MAP4K5: variants seen among roughly 807,000 people sequenced by gnomAD.
MAP4K5 encodes MAPK/ERK kinase kinase kinase 5.
In MAP4K5, 82 loss-of-function variants were observed where a neutral mutation model predicts 135.6. The observed-to-expected ratio is 0.60, with a 90% CI of 0.51 to 0.73. The LOEUF is 0.73. MAP4K5 is among the 30% of genes least tolerant of loss of function. The pLI, the probability that MAP4K5 is intolerant of heterozygous loss-of-function variation, is 0.00. For missense variants in MAP4K5, 907 were observed against 1,010.9 expected (o/e 0.90, Z 1.39); for synonymous variants, 347 against 335.0 (o/e 1.04, Z -0.39).
At chr14:50,477,918 G>A (rs1269686686) in intron 6 of MAP4K5, among the ~76,000 whole-genome samples, 1 of 151,964 alleles carries the variant, frequency 6.6e-6, no homozygotes, top group African/African-American at 2.4e-5. Flanking sequence ...CTGTAGTTTT[G>A]TTCTCTTGTA....
intron 2 of MAP4K5, among the ~76,000 whole-genome samples, chr14:50,529,061 T>C (rs2038328430): frequency 6.6e-6 from 1 of 152,096 alleles, no homozygotes; most frequent in African/African-American, 2.4e-5. Flanking sequence ...AAATTTGTAA[T>C]AAAAATACAC....
At position 50,531,976 on chromosome 14, in the gene MAP4K5, C is replaced by G; in HGVS notation, c.74G>C (p.Arg25Thr). The G allele has an allele frequency of 6.2e-7, 1 of 1,604,782 alleles. No individual in the cohort carries two copies. Among genetic ancestry groups the G allele is most frequent in the Middle Eastern group, 1.7e-4 (1 of 6,052 alleles). ...NPQQDYELVQ[R>T]VGSGTYGDVY... ...GTCCCCGTAGGTGCCGCTGCCGACC[C>G]TCTGGACGAGTTCGTAGTCCTGCTG... Residue 25 changes from arginine to threonine, a missense_variant, in exon 2 of 33, where the codon AGG becomes ACG. This residue lies in a region of MAP4K5 where 196 missense variants were observed against 189.3 expected (regional missense o/e 1.04). Transcript: ENST00000682126.
intron 2 of MAP4K5, among the ~76,000 whole-genome samples, chr14:50,513,274 C>T (rs1838118570): frequency 6.6e-6 from 1 of 152,112 alleles, no homozygotes; most frequent in South Asian, 2.1e-4. Context: ...AGTATTTCAA[C>T]TCAAGCCCTC....
intron 2 of MAP4K5, among the ~76,000 whole-genome samples, chr14:50,529,191 T>G (rs2038331898): frequency 6.6e-6 from 1 of 151,778 alleles, no homozygotes; most frequent in South Asian, 2.1e-4. Context: ...GAGACCAGAC[T>G]GGGAAACATG....
chr14:50,470,778 C>T (rs1024873286), intron 9 of MAP4K5, among the ~76,000 whole-genome samples: 40 of 151,946 alleles, frequency 2.6e-4, no homozygotes, highest in African/African-American at 9.2e-4. Flanking sequence ...GCATATTATT[C>T]CACTGAATTG....
chr14:50,510,859 T>C (rs2037916828), intron 2 of MAP4K5, among the ~76,000 whole-genome samples: 1 of 152,148 alleles, frequency 6.6e-6, no homozygotes, highest in Non-Finnish European at 1.5e-5. Context: ...TAAGAACACA[T>C]ATGGACAGAA....
intron 23 of MAP4K5, among the ~76,000 whole-genome samples, chr14:50,438,689 T>C (rs1433502669): frequency 6.6e-6 from 1 of 152,090 alleles, no homozygotes; most frequent in Non-Finnish European, 1.5e-5. Flanking sequence ...AAAACATACA[T>C]ATATACACAC....
chr14:50,464,119 T>C lies in MAP4K5; in HGVS notation c.752A>G (p.His251Arg). ...KDKTKWSSTF[H>R]NFVKIALTKN... ...GGTTAGTGCTATTTTGACAAAATTA[T>C]GGAATGTTGATGACCTTAAAATAAA... The change falls in exon 12 of 33, where the codon CAT (histidine) becomes CGT (arginine). Residue 251 changes from histidine (H) to arginine (R), a missense_variant. Physicochemically the swap from His to Arg is conservative, Grantham distance 29. This residue lies in a region of MAP4K5 where 690 missense variants were observed against 777.4 expected (regional missense o/e 0.89). Coordinates refer to ENST00000682126, the MANE Select transcript of MAP4K5 (RefSeq NM_006575.6). 1 of 1,523,164 alleles carries C rather than the reference T, an allele frequency of 6.6e-7. No homozygotes were observed. Among genetic ancestry groups the C allele is most frequent in the Non-Finnish European group, 8.9e-7 (1 of 1,121,378 alleles). The allele number at this position is 1,523,164 out of a possible 1,614,324, so 94.4% of individuals were successfully genotyped here.
At chr14:50,504,982 C>A in intron 2 of MAP4K5, 125 bp from the exon 3 acceptor site, 1 of 556,426 alleles carries the variant, frequency 1.8e-6, no homozygotes, top group South Asian at 2.9e-5. Context: ...CAAAATATTT[C>A]CAATAAAATG....
chr14:50,525,672 C>T (rs185302604), intron 2 of MAP4K5, among the ~76,000 whole-genome samples: 13 of 152,000 alleles, frequency 8.6e-5, no homozygotes, highest in Admixed American at 8.5e-4. Context: ...CCCACCTTTA[C>T]AAAAAAATAA....
In MAP4K5 at chr14:50,429,392, T is replaced by G. The variant is rs1595422213; in HGVS notation, c.2165-132A>C. 8.6e-6 allele frequency: 5 copies of G among 581,732 alleles called. No individual in the cohort carries two copies. The South Asian group carries it at 1.1e-4, about 12-fold the overall frequency. 36.0% of individuals were successfully genotyped at this position (581,732 alleles called of 1,614,324 possible). ...TTAACACAGAATTTATATTTTGTGA[T>G]GTTATCTTTCAAAAAATGCATGTAA... On this transcript the variant is annotated intron_variant, in intron 28 of 32. Transcript: ENST00000682126.
intron 2 of MAP4K5, among the ~76,000 whole-genome samples, chr14:50,508,343 C>T (rs986936753): frequency 5.3e-5 from 8 of 151,836 alleles, no homozygotes; most frequent in African/African-American, 1.7e-4. Flanking sequence ...ATAGACTGGA[C>T]TAAGAAAATG....
chr14:50,422,335 A>G (rs1275688164), intron 32 of MAP4K5, among the ~76,000 whole-genome samples: 2 of 152,120 alleles, frequency 1.3e-5, no homozygotes, highest in East Asian at 3.9e-4. Context: ...CTGTTCTCCT[A>G]TAAAACTCTC....
chr14:50,486,739 T>A lies in MAP4K5; in HGVS notation c.167-545A>T, dbSNP rs1386915765. The stretch of plus-strand genomic sequence containing the variant: ...TGAGGTCAGGAGTTCAAGACCAGCC[T>A]GGCCAACATGGTGAGACCCCGTTTC... On this transcript the variant is annotated intron_variant, in intron 3 of 32. Coordinates refer to ENST00000682126, the MANE Select transcript of MAP4K5 (RefSeq NM_006575.6). Among the ~76,000 whole-genome samples, 9 of 152,274 alleles carry A rather than the reference T, an allele frequency of 5.9e-5. No individual in the cohort carries two copies. The South Asian group carries it at 1.9e-3, about 32-fold the overall frequency.
rs201405830 is a variant in MAP4K5 at position 50,449,937 on chromosome 14, TTTG to T, written c.1016-1108_1016-1106del. The T allele has an allele frequency of 5.3e-4, 79 of 147,716 alleles. 1 individual carries two copies. The highest frequency in any genetic ancestry group is 1.5e-3 in the Admixed American group (23 of 15,006). 9.2% of individuals were successfully genotyped at this position (147,716 alleles called of 1,614,324 possible). A position where few individuals can be genotyped will look rare whatever the true frequency, so the allele number is the denominator to read the frequency against. On this transcript the variant is annotated intron_variant, in intron 14 of 32. Coordinates refer to ENST00000682126, the MANE Select transcript of MAP4K5 (RefSeq NM_006575.6). The stretch of plus-strand genomic sequence containing the variant: ...AAATGTGAAAATAATATATTACTTT[TTTG>T]TTGTTGTTGTTGTTGTTGAGATGGA...
chr14:50,554,582 A>G (rs2038742597), intron 1 of MAP4K5, among the ~76,000 whole-genome samples: 1 of 152,240 alleles, frequency 6.6e-6, no homozygotes, highest in African/African-American at 2.4e-5. Flanking sequence ...AGCCAAGACC[A>G]TGATGCCCAC....
At chr14:50,459,606 T>G (rs2036664840) in intron 13 of MAP4K5, among the ~76,000 whole-genome samples, 1 of 152,170 alleles carries the variant, frequency 6.6e-6, no homozygotes, top group African/African-American at 2.4e-5. Flanking sequence ...TAAATACAGT[T>G]TGATAGACAG....
At chr14:50,543,763 G>T (rs947638602) in intron 1 of MAP4K5, among the ~76,000 whole-genome samples, 2 of 152,200 alleles carry the variant, frequency 1.3e-5, no homozygotes, top group African/African-American at 2.4e-5. Context: ...AGAGGTAGGA[G>T]TGGCTCTTCT....
intron 11 of MAP4K5, 57 bp downstream of exon 11, chr14:50,466,526 G>A: frequency 1.2e-6 from 1 of 857,080 alleles, no homozygotes. Context: ...TATGGGAACT[G>A]AATCTATACT....
Sources: gnomAD v4.1 joint callset for allele counts (sites outside exome capture counted in the v4.1 genomes callset) on GRCh38, gnomAD v4.1.1 for gene constraint, gnomAD v4.1.1 regional missense constraint, MANE v1.5 for transcripts, NCBI Gene and HGNC (gene_info 2026-07-23, HGNC 2026-07-21) for gene names.